Variants in KANSL1 observed in about 807,000 individuals in gnomAD.
The protein encoded by KANSL1 is MLL1/MLL complex subunit KANSL1.
KANSL1 carries 22 observed loss-of-function variants against 103.6 expected under a neutral mutation model. The ratio of observed to expected loss-of-function variants is 0.21; its 90% CI spans 0.15 to 0.30. KANSL1 has a LOEUF of 0.30. Among genes scored for constraint, KANSL1 ranks in the 10% least tolerant of loss-of-function variants. The pLI is 1.00. For synonymous variants in KANSL1, 600 were observed against 527.6 expected (o/e 1.14, Z -1.88); for missense variants, 1,337 against 1,399.8 (o/e 0.96, Z 0.72).
intron 2 of KANSL1, among the ~76,000 whole-genome samples, chr17:46,153,154 T>C (rs2045217453): frequency 6.6e-6 from 1 of 152,246 alleles, no homozygotes; most frequent in Non-Finnish European, 1.5e-5. Flanking sequence ...GTTCCCTTGT[T>C]GAGTAAGTTA....
At chr17:46,048,659 T>C (rs2077598599) in intron 7 of KANSL1, among the ~76,000 whole-genome samples, 1 of 152,198 alleles carries the variant, frequency 6.6e-6, no homozygotes, top group African/African-American at 2.4e-5. Flanking sequence ...TGAGATTACG[T>C]GAAAATTCAA....
At chr17:46,137,277 T>C (rs1015285019) in intron 2 of KANSL1, among the ~76,000 whole-genome samples, 1 of 152,266 alleles carries the variant, frequency 6.6e-6, no homozygotes, top group Non-Finnish European at 1.5e-5. Flanking sequence ...TACTTCATGC[T>C]AAAGCATTTT....
chr17:46,179,429 G>A (rs1316125894), intron 1 of KANSL1, among the ~76,000 whole-genome samples: 6 of 151,986 alleles, frequency 3.9e-5, no homozygotes, highest in Admixed American at 2.0e-4. Flanking sequence ...GGAAGGAATA[G>A]GTCATCCAGG....
chr17:46,031,700 C>T lies in KANSL1; in HGVS notation c.3094G>A (p.Val1032Ile). 1 of 1,600,834 alleles carries T rather than the reference C, an allele frequency of 6.2e-7. No homozygotes were observed. Among genetic ancestry groups the T allele is most frequent in the Non-Finnish European group, 8.5e-7 (1 of 1,170,052 alleles). ...AAGGTCCGCCGCTCCCAGGGCTGGA[C>T]AGACTGTAGGCAGACAAGTTGCTCT... ...TPELGLDEQSVQPWERRTFPL... is the reference protein window; with the variant it reads ...TPELGLDEQSIQPWERRTFPL... The change falls in exon 15 of 15, where the codon GTC (valine) becomes ATC (isoleucine). Residue 1032 changes from valine to isoleucine, a missense_variant. Physicochemically the swap from Val to Ile is conservative, Grantham distance 29. Coordinates refer to ENST00000432791, the MANE Select transcript of KANSL1 (RefSeq NM_015443.4).
In KANSL1 at chr17:46,223,088, GGT is replaced by G. The variant is rs199852089; in HGVS notation, c.-90+581_-90+582del. 1,009 of 149,358 alleles carry G rather than the reference GGT, an allele frequency of 6.8e-3. 9 individuals are homozygous for G. The highest frequency in any genetic ancestry group is 0.021 in the African/African-American group (832 of 39,772). 9.3% of individuals were successfully genotyped at this position (149,358 alleles called of 1,614,324 possible). ...AGGTTTACCCTGTGAAATAAAACTT[GGT>G]GTAAGTGCTACCTGCTGAGAAAAAT... On this transcript the variant is annotated intron_variant, in intron 1 of 14. Coordinates refer to the KANSL1 transcript ENST00000572904.
At chr17:46,188,750 G>A (rs1210753723) in intron 1 of KANSL1, among the ~76,000 whole-genome samples, 1 of 152,098 alleles carries the variant, frequency 6.6e-6, no homozygotes, top group Non-Finnish European at 1.5e-5. Flanking sequence ...CAAGCAAGGG[G>A]CCAGGCCCGG....
intron 2 of KANSL1, among the ~76,000 whole-genome samples, chr17:46,141,229 CACA>C (rs1300501371): frequency 6.6e-6 from 1 of 152,188 alleles, no homozygotes; most frequent in Non-Finnish European, 1.5e-5. Flanking sequence ...TGTGAGTGTA[CACA>C]ACAAGGTGAA....
chr17:46,136,322 C>CA (rs550191789), intron 2 of KANSL1, among the ~76,000 whole-genome samples: 206 of 152,316 alleles, frequency 1.4e-3, no homozygotes, highest in African/African-American at 4.7e-3. Context: ...TGAAGCCTGT[C>CA]AGAGTATTTT....
At chr17:46,117,491 T>C (rs1228519795) in intron 2 of KANSL1, among the ~76,000 whole-genome samples, 1 of 152,214 alleles carries the variant, frequency 6.6e-6, no homozygotes, top group Non-Finnish European at 1.5e-5. Context: ...TCAATAAAGG[T>C]CTGTTAAATA....
intron 11 of KANSL1, among the ~76,000 whole-genome samples, chr17:46,033,698 G>A (rs2077073078): frequency 6.6e-6 from 1 of 152,180 alleles, no homozygotes. Flanking sequence ...GTAAGGCTGA[G>A]GCTGAGAGAC....
chr17:46,032,567 G>A (rs530732871), intron 13 of KANSL1: 22 of 411,262 alleles, frequency 5.3e-5, no homozygotes, highest in Admixed American at 1.6e-4. Flanking sequence ...AGGGAGATTC[G>A]TGTAGACTTT....
At chr17:46,128,211 T>C (rs2043669649) in intron 2 of KANSL1, among the ~76,000 whole-genome samples, 1 of 152,218 alleles carries the variant, frequency 6.6e-6, no homozygotes, top group Non-Finnish European at 1.5e-5. Flanking sequence ...TCAAAGCCTC[T>C]GCTTTCTCTG....
At chr17:46,224,785 A>G (rs1267433091), upstream of KANSL1, 1 of 148,376 alleles carries the variant, frequency 6.7e-6, no homozygotes, top group East Asian at 2.1e-4. Context: ...CCCACCGCGG[A>G]CCCCAGTCCC....
intron 8 of KANSL1, chr17:46,039,416 C>T: frequency 1.6e-6 from 1 of 606,254 alleles, no homozygotes; most frequent in Non-Finnish European, 2.8e-6. Context: ...AACATGTCAC[C>T]AGGATACAGA....
chr17:46,092,799 TTC>T (rs2079461807), intron 3 of KANSL1: 1 of 150,600 alleles, frequency 6.6e-6, no homozygotes, highest in Admixed American at 6.6e-5. Flanking sequence ...ATTTCATCAA[TTC>T]TAAGAGGTAC....
At chr17:46,216,704 T>C (rs2048351243) in intron 1 of KANSL1, among the ~76,000 whole-genome samples, 1 of 152,194 alleles carries the variant, frequency 6.6e-6, no homozygotes, top group Non-Finnish European at 1.5e-5. Flanking sequence ...TGCTATCAAT[T>C]TGCACCAAAA....
intron 1 of KANSL1, among the ~76,000 whole-genome samples, chr17:46,200,747 A>G (rs755294851): frequency 1.8e-5 from 2 of 111,312 alleles, no homozygotes; most frequent in Non-Finnish European, 4.8e-5. Context: ...GTCTCAAAAT[A>G]TATATATATA....
chr17:46,155,482 CA>C (rs2045371616), intron 2 of KANSL1, among the ~76,000 whole-genome samples: 1 of 152,086 alleles, frequency 6.6e-6, no homozygotes, highest in Non-Finnish European at 1.5e-5. Context: ...GACCTTACCC[CA>C]ACCCCCAAAA....
chr17:46,130,725 C>G (rs899258271), intron 2 of KANSL1, among the ~76,000 whole-genome samples: 2 of 152,182 alleles, frequency 1.3e-5, no homozygotes, highest in Admixed American at 6.5e-5. Flanking sequence ...CACTGCTGCA[C>G]AGCTAAATAC....
Sources: gnomAD v4.1 joint callset for allele counts (sites outside exome capture counted in the v4.1 genomes callset) on GRCh38, gnomAD v4.1.1 for gene constraint, MANE v1.5 for transcripts, NCBI Gene and HGNC (gene_info 2026-07-23, HGNC 2026-07-21) for gene names.